The following AMPH variants were observed in gnomAD, a reference collection of about 807,000 sequenced individuals.
AMPH encodes amphiphysin, also known as amphiphysin (Stiff-Mann syndrome with breast cancer 128kD autoantigen).
AMPH carries 49 observed loss-of-function variants against 99.1 expected under a neutral mutation model. The ratio of observed to expected loss-of-function variants is 0.49; its 90% CI spans 0.39 to 0.63. AMPH has a LOEUF of 0.63. Ranked by LOEUF, AMPH falls within the 20% of genes least tolerant of loss-of-function variation. The pLI, the probability that AMPH is intolerant of heterozygous loss-of-function variation, is 0.00. For synonymous variants in AMPH, 314 were observed against 317.3 expected (o/e 0.99, Z 0.11); for missense variants, 759 against 863.4 (o/e 0.88, Z 1.52).
intron 1 of AMPH, among the ~76,000 whole-genome samples, chr7:38,599,224 T>C (rs892235419): frequency 3.9e-5 from 6 of 152,220 alleles, no homozygotes; most frequent in Non-Finnish European, 8.8e-5. Flanking sequence ...TGTTTCTATA[T>C]ACCGTTGACC....
chr7:38,537,299 A>G (rs1479833157), intron 1 of AMPH, among the ~76,000 whole-genome samples: 1 of 152,212 alleles, frequency 6.6e-6, no homozygotes. Context: ...AATAGTGCCT[A>G]CTTCACAGTG....
chr7:38,395,038 C>G (rs1166684368), intron 17 of AMPH, among the ~76,000 whole-genome samples: 1 of 152,128 alleles, frequency 6.6e-6, no homozygotes. Flanking sequence ...CTAAGACGTG[C>G]CTTGGTCACT....
chr7:38,461,136 G>C, intron 11 of AMPH, 147 bp downstream of exon 11: 3 of 897,378 alleles, frequency 3.3e-6, no homozygotes, highest in Non-Finnish European at 5.1e-6. Context: ...GAATGCTTCA[G>C]ACTAACCAAG....
chr7:38,523,322 C>A (rs921789333), intron 2 of AMPH, among the ~76,000 whole-genome samples: 1 of 152,074 alleles, frequency 6.6e-6, no homozygotes, highest in Admixed American at 6.6e-5. Flanking sequence ...AAAGAATATA[C>A]CTAGAACCCA....
intron 12 of AMPH, among the ~76,000 whole-genome samples, chr7:38,435,185 G>C (rs1786214114): frequency 1.3e-5 from 2 of 152,164 alleles, no homozygotes; most frequent in South Asian, 2.1e-4. Flanking sequence ...CTAGTGTTTA[G>C]ACTATTAATT....
At chr7:38,521,358 C>T (rs1584198765) in intron 2 of AMPH, among the ~76,000 whole-genome samples, 1 of 151,968 alleles carries the variant, frequency 6.6e-6, no homozygotes, top group South Asian at 2.1e-4. Flanking sequence ...CTGTCTCTAC[C>T]AAAAACACAA....
chr7:38,453,037 C>T (rs1326311420), intron 11 of AMPH, among the ~76,000 whole-genome samples: 1 of 152,184 alleles, frequency 6.6e-6, no homozygotes, highest in African/African-American at 2.4e-5. Flanking sequence ...GACATCTTGA[C>T]ATGAGACAAA....
At chr7:38,481,992 G>A (rs1788300365) in intron 5 of AMPH, among the ~76,000 whole-genome samples, 2 of 151,980 alleles carry the variant, frequency 1.3e-5, no homozygotes, top group African/African-American at 4.8e-5. Flanking sequence ...CTGAATAAAG[G>A]CAGACAGAAT....
In AMPH at chr7:38,459,732, A is replaced by G. The variant is rs114046169; in HGVS notation, c.1017+1551T>C. Among the ~76,000 whole-genome samples the G allele has an allele frequency of 3.8e-3, 580 of 152,212 alleles. 6 individuals carry two copies. The highest frequency in any genetic ancestry group is 0.014 in the African/African-American group (562 of 41,560). ...AGGCTTAGACATAAGACCCAAAACTATAAAACAACTAGAAAAGGACATAGG... is the reference window on the plus strand; with the variant it reads ...AGGCTTAGACATAAGACCCAAAACTGTAAAACAACTAGAAAAGGACATAGG... On this transcript the variant is annotated intron_variant, in intron 11 of 20. Coordinates refer to ENST00000356264, the MANE Select transcript of AMPH (RefSeq NM_001635.4).
Position 38,476,988 on chromosome 7 carries a change from C to A in AMPH, c.397-19G>T, listed in dbSNP as rs1426890943. On this transcript the variant is annotated intron_variant, in intron 5 of 20. Coordinates refer to ENST00000356264, the MANE Select transcript of AMPH (RefSeq NM_001635.4). ...TGCGATTCTGTCAACAGGAAATGCA[C>A]TCACTAAGAAAGAAGCATGGACATA... is the stretch of plus-strand genomic sequence containing the variant. 6.2e-7 allele frequency: 1 copy of A among 1,608,062 alleles called. No homozygotes were observed. Among genetic ancestry groups the A allele is most frequent in the Non-Finnish European group, 8.5e-7 (1 of 1,174,906 alleles).
At chr7:38,580,459 C>T (rs1392477332) in intron 1 of AMPH, among the ~76,000 whole-genome samples, 2 of 152,124 alleles carry the variant, frequency 1.3e-5, no homozygotes, top group African/African-American at 4.8e-5. Flanking sequence ...CATCTATTGA[C>T]ATCACCAAAC....
chr7:38,427,173 C>CAA (rs3056199), intron 14 of AMPH, among the ~76,000 whole-genome samples, 187 bp from the exon 15 acceptor site: 8,653 of 147,104 alleles, frequency 0.059, 604 homozygotes, highest in East Asian at 0.36. Flanking sequence ...AATAGGCTGA[C>CAA]AAAAAAAAAA....
chr7:38,605,729 C>G (rs1049521770), intron 1 of AMPH, among the ~76,000 whole-genome samples: 1 of 152,086 alleles, frequency 6.6e-6, no homozygotes, highest in African/African-American at 2.4e-5. Flanking sequence ...GTGCCCACCA[C>G]CATGCCCAGC....
intron 2 of AMPH, among the ~76,000 whole-genome samples, chr7:38,505,377 C>T (rs1272698715): frequency 2.6e-5 from 4 of 152,136 alleles, no homozygotes; most frequent in Non-Finnish European, 5.9e-5. Flanking sequence ...TCTATAAACC[C>T]GGTTACTACC....
intron 1 of AMPH, among the ~76,000 whole-genome samples, chr7:38,628,600 A>T (rs1794340895): frequency 6.6e-6 from 1 of 152,252 alleles, no homozygotes; most frequent in Non-Finnish European, 1.5e-5. Context: ...GGATGTTCAT[A>T]ATTATGAAGT....
intron 1 of AMPH, among the ~76,000 whole-genome samples, chr7:38,558,454 A>G (rs1791443003): frequency 1.3e-5 from 2 of 152,208 alleles, no homozygotes; most frequent in South Asian, 4.1e-4. Context: ...TCGCTCAGAG[A>G]ATTGAAACTC....
intron 1 of AMPH, among the ~76,000 whole-genome samples, chr7:38,548,027 ATTTTT>A (rs34488266): frequency 1.6e-5 from 2 of 126,014 alleles, no homozygotes; most frequent in Non-Finnish European, 1.7e-5. Flanking sequence ...TTGTGGGCAA[ATTTTT>A]TTTTTTTTTT....
At chr7:38,507,157 A>G (rs1273552054) in intron 2 of AMPH, among the ~76,000 whole-genome samples, 1 of 152,198 alleles carries the variant, frequency 6.6e-6, no homozygotes, top group African/African-American at 2.4e-5. Flanking sequence ...TCAGGCTCCA[A>G]TCCATATACT....
chr7:38,467,466 G>A (rs1356657496), intron 7 of AMPH, among the ~76,000 whole-genome samples: 1 of 152,012 alleles, frequency 6.6e-6, no homozygotes, highest in Non-Finnish European at 1.5e-5. Context: ...CAATCAACTG[G>A]GACAGTAATT....
Sources: gnomAD v4.1 joint callset for allele counts (sites outside exome capture counted in the v4.1 genomes callset) on GRCh38, gnomAD v4.1.1 for gene constraint, MANE v1.5 for transcripts, NCBI Gene and HGNC (gene_info 2026-07-23, HGNC 2026-07-21) for gene names.